Variants in MCC observed in about 807,000 individuals in gnomAD.
MCC encodes the protein MCC regulator of Wnt signaling pathway, also known as colorectal mutant cancer protein.
A neutral mutation model predicts 116.2 loss-of-function variants in MCC; 90 were observed. The ratio of observed to expected loss-of-function variants is 0.77; its 90% CI spans 0.65 to 0.92. The LOEUF (loss-of-function observed/expected upper bound fraction) is 0.92, where lower values mean the gene tolerates loss of function less well. Among genes scored for constraint, MCC ranks in the 40% least tolerant of loss-of-function variants. The pLI, the probability that MCC is intolerant of heterozygous loss-of-function variation, is 0.00. For synonymous variants in MCC, 578 were observed against 510.5 expected, an observed-to-expected ratio of 1.13 and a Z score of -1.78; for missense variants, 1,516 against 1,312.2, an observed-to-expected ratio of 1.16 and a Z score of -2.40.
chr5:113,145,099 G>A (rs1323699841), intron 4 of MCC, among the ~76,000 whole-genome samples: 1 of 152,168 alleles, frequency 6.6e-6, no homozygotes, highest in Non-Finnish European at 1.5e-5. Flanking sequence ...ATAAATGAAA[G>A]AGCTTCATAT....
At position 113,022,530 on chromosome 5, in the gene MCC, A is replaced by G. The variant is rs969052785; in HGVS notation, c.*4772T>C. On this transcript the variant is annotated 3_prime_UTR_variant, in exon 19 of 19. Transcript: ENST00000408903. The stretch of plus-strand genomic sequence containing the variant: ...GATTAGAACTAGAAAAGAAGTGGAC[A>G]TGTTTTATTATCTTTGCATTACGTT... 7.9e-5 allele frequency: 12 copies of G among 152,558 alleles called. No individual in the cohort carries two copies. Among genetic ancestry groups the G allele is most frequent in the African/African-American group, 2.6e-4 (11 of 41,588 alleles). The allele number at this position is 152,558 out of a possible 1,614,324, so 9.5% of individuals were successfully genotyped here.
intron 3 of MCC, among the ~76,000 whole-genome samples, chr5:113,256,870 G>A (rs1765024790): frequency 6.6e-6 from 1 of 152,076 alleles, no homozygotes; most frequent in South Asian, 2.1e-4. Context: ...TGCTTACTCT[G>A]CAGAAAGTGC....
chr5:113,415,387 G>A (rs563588637), intron 1 of MCC, among the ~76,000 whole-genome samples: 144 of 152,224 alleles, frequency 9.5e-4, no homozygotes, highest in African/African-American at 3.3e-3. Context: ...CATTCTCCTC[G>A]TCACTTTCAG....
chr5:113,068,564 G>A (rs528988954), intron 12 of MCC, among the ~76,000 whole-genome samples: 3 of 152,322 alleles, frequency 2.0e-5, no homozygotes, highest in African/African-American at 7.2e-5. Flanking sequence ...CACTGTACCA[G>A]GGTTGGTCTG....
intron 3 of MCC, among the ~76,000 whole-genome samples, chr5:113,237,103 A>C (rs531236935): frequency 3.9e-5 from 6 of 152,332 alleles, no homozygotes; most frequent in Admixed American, 6.5e-5. Context: ...TGTTCAAAGG[A>C]AACTTGGAAA....
chr5:113,198,050 T>C (rs1762499829), intron 3 of MCC, among the ~76,000 whole-genome samples: 3 of 152,264 alleles, frequency 2.0e-5, no homozygotes, highest in African/African-American at 7.2e-5. Context: ...TGTGAGCCTA[T>C]ATAATTCAGT....
intron 3 of MCC, among the ~76,000 whole-genome samples, chr5:113,306,220 G>T (rs1484210988): frequency 6.6e-6 from 1 of 152,068 alleles, no homozygotes; most frequent in Admixed American, 6.6e-5. Flanking sequence ...GAACATTTGT[G>T]AGCAAGTTTT....
chr5:113,104,871 G>A (rs1262834228), intron 6 of MCC, among the ~76,000 whole-genome samples: 1 of 152,166 alleles, frequency 6.6e-6, no homozygotes, highest in Non-Finnish European at 1.5e-5. Flanking sequence ...ATGCTCCACT[G>A]TTGCAATTTA....
chr5:113,325,582 G>A (rs1229211794), intron 3 of MCC, among the ~76,000 whole-genome samples: 1 of 151,104 alleles, frequency 6.6e-6, no homozygotes, highest in Non-Finnish European at 1.5e-5. Flanking sequence ...CAAGTGCTGT[G>A]GGCTCAGAGA....
intron 4 of MCC, among the ~76,000 whole-genome samples, chr5:113,144,266 C>T (rs1561398364): frequency 6.6e-6 from 1 of 152,312 alleles, no homozygotes; most frequent in South Asian, 2.1e-4. Context: ...TCACTTCTCT[C>T]CACTGCTCTC....
At chr5:113,356,063 A>AC (rs1554078473) in intron 2 of MCC, among the ~76,000 whole-genome samples, 9 of 140,162 alleles carry the variant, frequency 6.4e-5, no homozygotes, top group Admixed American at 7.1e-5. Flanking sequence ...GGCAAGGTGT[A>AC]TTTTTTTTTT....
chr5:113,254,310 G>C (rs1335932798), intron 3 of MCC, among the ~76,000 whole-genome samples: 3 of 151,952 alleles, frequency 2.0e-5, no homozygotes, highest in East Asian at 1.9e-4. Flanking sequence ...ATATACTCCA[G>C]GAAAATTAAA....
intron 3 of MCC, among the ~76,000 whole-genome samples, chr5:113,174,310 A>C (rs745687432): frequency 2.6e-5 from 4 of 152,178 alleles, no homozygotes; most frequent in Non-Finnish European, 5.9e-5. Flanking sequence ...TCACTGGTGG[A>C]GGCTGGATGG....
chr5:113,328,946 C>T (rs1409291166), intron 3 of MCC, among the ~76,000 whole-genome samples: 3 of 152,190 alleles, frequency 2.0e-5, no homozygotes, highest in Non-Finnish European at 4.4e-5. Flanking sequence ...ACACTGCCTG[C>T]AGCATCCCTC....
chr5:113,258,500 G>C (rs764175381), intron 3 of MCC, among the ~76,000 whole-genome samples: 6 of 152,234 alleles, frequency 3.9e-5, no homozygotes, highest in Non-Finnish European at 8.8e-5. Flanking sequence ...TCTCATAGGA[G>C]GGGGAACCCT....
chr5:113,265,119 T>C (rs1481362353), intron 3 of MCC, among the ~76,000 whole-genome samples: 1 of 152,120 alleles, frequency 6.6e-6, no homozygotes, highest in African/African-American at 2.4e-5. Context: ...CATGGGACAG[T>C]TGAGTAGTAA....
rs149937116 is a variant in MCC, at chr5:113,426,411, C to T, written c.171-41199G>A. The stretch of plus-strand genomic sequence containing the variant: ...CCATAAACAGCCCCTCAAAATCTAT[C>T]CCCAGGACTAGTTAGTTATGCTGTA... On this transcript the variant is annotated intron_variant, in intron 1 of 18. Transcript: ENST00000408903. 6.1e-3 allele frequency among the ~76,000 whole-genome samples: 922 copies of T among 152,294 alleles called. 6 individuals are homozygous for T. The highest frequency in any genetic ancestry group is 0.01 in the Middle Eastern group (3 of 294).
intron 3 of MCC, among the ~76,000 whole-genome samples, chr5:113,196,375 G>A (rs1039628031): frequency 1.3e-5 from 2 of 152,160 alleles, no homozygotes; most frequent in Non-Finnish European, 2.9e-5. Context: ...AGGGCCCATA[G>A]CAACCTGGAG....
chr5:113,105,270 T>C (rs1756663297), intron 6 of MCC, among the ~76,000 whole-genome samples: 1 of 152,188 alleles, frequency 6.6e-6, no homozygotes, highest in African/African-American at 2.4e-5. Context: ...TGTCTTCCAT[T>C]TTCTTCTTCT....
Sources: allele counts gnomAD v4.1 joint callset (sites outside exome capture counted in the v4.1 genomes callset), GRCh38; gene constraint gnomAD v4.1.1; transcripts MANE v1.5; gene names NCBI Gene and HGNC (gene_info 2026-07-23, HGNC 2026-07-21).